MAF: variants seen among roughly 807,000 people sequenced by gnomAD.
MAF encodes MAF bZIP transcription factor.
A neutral mutation model predicts 22.0 loss-of-function variants in MAF; 10 were observed. The observed-to-expected ratio is 0.45, with a 90% confidence interval of 0.28 to 0.77. MAF has a LOEUF of 0.77. Ranked by LOEUF, MAF falls within the 30% of genes least tolerant of loss-of-function variation. The pLI is 0.12. For synonymous variants in MAF, 337 were observed against 255.8 expected (o/e 1.32, Z -3.03); for missense variants, 544 against 548.4 (o/e 0.99, Z 0.08).
At chr16:79,225,526 G>T in the MAF span, among the ~76,000 whole-genome samples, 12 of 152,176 alleles carry the variant, frequency 7.9e-5, no homozygotes, top group Non-Finnish European at 1.5e-4. Flanking sequence ...ATTGAGAAAT[G>T]GGATCCAATT....
the MAF span, among the ~76,000 whole-genome samples, chr16:79,386,102 T>G: frequency 2.0e-5 from 3 of 152,182 alleles, no homozygotes; most frequent in African/African-American, 7.2e-5. Context: ...CCCCAACCTT[T>G]TTGGCACCAG....
the MAF span, among the ~76,000 whole-genome samples, chr16:79,523,630 G>A: frequency 2.0e-5 from 3 of 152,268 alleles, no homozygotes; most frequent in African/African-American, 7.2e-5. Flanking sequence ...ATTGCAAGGC[G>A]AGATAAGCTG....
the MAF span, among the ~76,000 whole-genome samples, chr16:79,347,220 T>C: frequency 6.6e-6 from 1 of 152,154 alleles, no homozygotes. Context: ...GAACTTTCCG[T>C]TTTGACTGCA....
the MAF span, among the ~76,000 whole-genome samples, chr16:79,430,511 C>G: frequency 3.3e-5 from 5 of 152,254 alleles, no homozygotes; most frequent in Non-Finnish European, 7.3e-5. Context: ...ATTCCTGGCT[C>G]ATTTCCCTCT....
At chr16:79,578,915 G>C in the MAF span, among the ~76,000 whole-genome samples, 3 of 152,064 alleles carry the variant, frequency 2.0e-5, no homozygotes, top group African/African-American at 7.2e-5. Context: ...ATACAGCAGA[G>C]TCCCCCTAGT....
the MAF span, among the ~76,000 whole-genome samples, chr16:79,564,022 A>G: frequency 6.6e-6 from 1 of 152,250 alleles, no homozygotes; most frequent in African/African-American, 2.4e-5. Context: ...ATTTCAAAGG[A>G]AAAAAGAGAG....
the MAF span, among the ~76,000 whole-genome samples, chr16:79,381,254 G>A: frequency 1.3e-5 from 2 of 152,218 alleles, no homozygotes; most frequent in Admixed American, 1.3e-4. Flanking sequence ...TTCCTGTAAA[G>A]GGTTTAGACT....
At chr16:79,372,484 A>C in the MAF span, among the ~76,000 whole-genome samples, 1 of 152,198 alleles carries the variant, frequency 6.6e-6, no homozygotes, top group East Asian at 1.9e-4. Context: ...ATATTAATAG[A>C]TATCTGAAAC....
chr16:79,449,103 T>A, the MAF span, among the ~76,000 whole-genome samples: 3 of 152,214 alleles, frequency 2.0e-5, no homozygotes, highest in African/African-American at 7.2e-5. Context: ...ATAAGGAGCA[T>A]GCAGCCCAGA....
At chr16:79,347,790 A>G in the MAF span, among the ~76,000 whole-genome samples, 2 of 152,114 alleles carry the variant, frequency 1.3e-5, no homozygotes, top group African/African-American at 4.8e-5. Context: ...CTTAGGTACC[A>G]AGTCACCGGT....
the MAF span, among the ~76,000 whole-genome samples, chr16:79,537,668 G>A: frequency 6.6e-6 from 1 of 152,142 alleles, no homozygotes; most frequent in East Asian, 1.9e-4. Context: ...AGAACAGATG[G>A]CTCCTAGAAA....
the MAF span, chr16:79,206,133 A>G: frequency 6.6e-6 from 1 of 152,152 alleles, no homozygotes. Context: ...CAATGGAAAA[A>G]AAAATCTCCT....
the MAF span, chr16:79,211,617 G>A: frequency 3.0e-5 from 48 of 1,614,086 alleles, no homozygotes; most frequent in Admixed American, 2.0e-4. Flanking sequence ...GCAACAGGGA[G>A]CTGCCACCAC....
the MAF span, among the ~76,000 whole-genome samples, chr16:79,523,654 T>G: frequency 6.6e-6 from 1 of 152,172 alleles, no homozygotes; most frequent in Non-Finnish European, 1.5e-5. Flanking sequence ...CTGGAGACAG[T>G]GGTCACAAAG....
chr16:79,348,623 T>A, the MAF span, among the ~76,000 whole-genome samples: 1 of 152,236 alleles, frequency 6.6e-6, no homozygotes, highest in South Asian at 2.1e-4. Context: ...CGTATCATCA[T>A]ATCAGGCCAA....
At chr16:79,313,216 C>T in the MAF span, among the ~76,000 whole-genome samples, 7 of 152,070 alleles carry the variant, frequency 4.6e-5, no homozygotes, top group East Asian at 3.9e-4. Context: ...AGTAAATGAA[C>T]GCTAACAAAA....
the MAF span, among the ~76,000 whole-genome samples, chr16:79,528,155 G>C: frequency 6.6e-6 from 1 of 152,114 alleles, no homozygotes; most frequent in African/African-American, 2.4e-5. Context: ...AAGAAGCATG[G>C]AGTGAATTTA....
At chr16:79,502,819 A>G in the MAF span, among the ~76,000 whole-genome samples, 5,008 of 145,918 alleles carry the variant, frequency 0.034, 320 homozygotes, top group African/African-American at 0.12. Flanking sequence ...TATAAAAAAA[A>G]ACCCAAGGGA....
chr16:79,249,592 A>G, the MAF span, among the ~76,000 whole-genome samples: 1 of 152,096 alleles, frequency 6.6e-6, no homozygotes, highest in Admixed American at 6.5e-5. Flanking sequence ...ATAAATCTCT[A>G]TTGTTTATAA....
Sources: gnomAD v4.1 joint callset for allele counts (sites outside exome capture counted in the v4.1 genomes callset) on GRCh38, gnomAD v4.1.1 for gene constraint, MANE v1.5 for transcripts, NCBI Gene and HGNC (gene_info 2026-07-23, HGNC 2026-07-21) for gene names.